Variants in ENPP3 observed in about 807,000 individuals in gnomAD.
ENPP3 encodes the protein ectonucleotide pyrophosphatase/phosphodiesterase family member 3.
Under a neutral mutation model 117.8 loss-of-function variants are expected in ENPP3, and 104 were observed. The ratio of observed to expected loss-of-function variants is 0.88; its 90% CI spans 0.75 to 1.04. ENPP3 has a LOEUF of 1.04. ENPP3 is among the 50% of genes least tolerant of loss of function. ENPP3 has a pLI of 0.00. For synonymous variants in ENPP3, 380 were observed against 349.9 expected (o/e 1.09, Z -0.96); for missense variants, 1,026 against 1,051.9 (o/e 0.98, Z 0.34).
chr6:131,639,616 T>G (rs1042140444), intron 1 of ENPP3, among the ~76,000 whole-genome samples: 1 of 152,148 alleles, frequency 6.6e-6, no homozygotes. Context: ...TTTACTAAAG[T>G]TTCACTTAAA....
intron 24 of ENPP3, among the ~76,000 whole-genome samples, chr6:131,745,266 T>A (rs1302696696): frequency 7.4e-6 from 1 of 135,470 alleles, no homozygotes; most frequent in African/African-American, 2.5e-5. Context: ...CATGGCGCAT[T>A]TTTTTTTTTT....
At chr6:131,740,131 C>A in intron 23 of ENPP3, 93 bp from the exon 24 acceptor site, 1 of 864,806 alleles carries the variant, frequency 1.2e-6, no homozygotes, top group Non-Finnish European at 1.6e-6. Flanking sequence ...TATTATTTTA[C>A]ATGTATATGA....
intron 6 of ENPP3, among the ~76,000 whole-genome samples, chr6:131,670,782 G>C (rs1349764549): frequency 4.6e-5 from 7 of 152,128 alleles, no homozygotes; most frequent in African/African-American, 1.4e-4. Flanking sequence ...GTGAGCCTCT[G>C]GGCCTAGTCT....
intron 24 of ENPP3, among the ~76,000 whole-genome samples, chr6:131,744,978 A>G (rs550501963): frequency 1.3e-4 from 20 of 152,316 alleles, no homozygotes; most frequent in Admixed American, 1.3e-3. Context: ...CAGGTTAAAT[A>G]GCTGAAGTAT....
At chr6:131,678,361 T>G (rs1778917462) in intron 11 of ENPP3, among the ~76,000 whole-genome samples, 1 of 152,244 alleles carries the variant, frequency 6.6e-6, no homozygotes, top group African/African-American at 2.4e-5. Flanking sequence ...TTCCTTATAA[T>G]TGGATTTAAC....
intron 9 of ENPP3, among the ~76,000 whole-genome samples, chr6:131,676,323 A>G (rs1204596159): frequency 6.7e-6 from 1 of 148,920 alleles, no homozygotes; most frequent in Non-Finnish European, 1.5e-5. Flanking sequence ...TATTAGGTCT[A>G]TTGTTTGGTA....
intron 15 of ENPP3, among the ~76,000 whole-genome samples, chr6:131,716,247 A>G (rs1326574421): frequency 2.0e-5 from 3 of 152,222 alleles, no homozygotes; most frequent in Non-Finnish European, 4.4e-5. Context: ...GCCAGCTATC[A>G]TTGTTCCATA....
At chr6:131,678,582 G>A (rs1427396971) in intron 11 of ENPP3, among the ~76,000 whole-genome samples, 9 of 152,236 alleles carry the variant, frequency 5.9e-5, no homozygotes, top group African/African-American at 1.9e-4. Flanking sequence ...GTGGAAAGAT[G>A]CAAAGGCTGC....
chr6:131,684,403 G>A (rs1779103623), intron 12 of ENPP3, among the ~76,000 whole-genome samples: 1 of 152,158 alleles, frequency 6.6e-6, no homozygotes, highest in African/African-American at 2.4e-5. Context: ...ATGCAAGCCA[G>A]GCACCATGGC....
chr6:131,723,043 T>C (rs529743218), intron 18 of ENPP3, among the ~76,000 whole-genome samples: 1 of 152,288 alleles, frequency 6.6e-6, no homozygotes, highest in South Asian at 2.1e-4. Flanking sequence ...AGCCTACTTG[T>C]GAGAATCAGA....
rs1491374737 is a variant in ENPP3 at position 131,679,011 on chromosome 6, TTC to T, written c.1011+1072_1011+1073del. 2.0e-4 allele frequency among the ~76,000 whole-genome samples: 18 copies of T among 90,048 alleles called. 1 individual carries two copies. The highest frequency in any genetic ancestry group is 8.2e-4 in the African/African-American group (17 of 20,638). 59.1% of individuals were successfully genotyped at this position (90,048 alleles called of 152,430 possible). ...CTTCCTTCCTTCCTTGCTTCCTTCC[TTC>T]CTTCCTTCCTTCCTTCTTTCTTTCT... On this transcript the variant is annotated intron_variant, in intron 11 of 24. Coordinates refer to ENST00000357639, the MANE Select transcript of ENPP3 (RefSeq NM_005021.5).
intron 11 of ENPP3, 23 bp downstream of exon 11, chr6:131,677,963 GA>G (rs374148120): frequency 0.035 from 37,797 of 1,076,654 alleles, 26 homozygotes; most frequent in South Asian, 0.065. Flanking sequence ...TTTCTTAAAA[GA>G]AAAAAAAAAA....
intron 7 of ENPP3, among the ~76,000 whole-genome samples, chr6:131,672,573 A>G (rs1234559912): frequency 6.6e-6 from 1 of 152,004 alleles, no homozygotes; most frequent in East Asian, 1.9e-4. Context: ...CTAACTCTCT[A>G]TTTTTCCTAG....
At chr6:131,710,085 C>T (rs753264311) in intron 15 of ENPP3, 88 of 1,613,632 alleles carry the variant, frequency 5.5e-5, no homozygotes, top group East Asian at 4.5e-4. Context: ...AAGCTCCTTT[C>T]GGAGGATCAT....
chr6:131,650,500 G>C (rs986380180), intron 3 of ENPP3, among the ~76,000 whole-genome samples: 1 of 152,128 alleles, frequency 6.6e-6, no homozygotes, highest in African/African-American at 2.4e-5. Flanking sequence ...TGGGATTATA[G>C]GCATGAACCA....
intron 21 of ENPP3, among the ~76,000 whole-genome samples, chr6:131,735,358 C>G (rs1209648454): frequency 6.6e-6 from 1 of 152,056 alleles, no homozygotes; most frequent in Non-Finnish European, 1.5e-5. Context: ...GTAGAAGAGG[C>G]TTTTTGTGGA....
At position 131,720,387 on chromosome 6, in the gene ENPP3, T is replaced by C. The variant is rs533295155; in HGVS notation, c.1567+8T>C. 1.4e-6 allele frequency: 2 copies of C among 1,420,008 alleles called. No homozygotes were observed. The highest frequency in any genetic ancestry group is 2.5e-5 in the South Asian group (2 of 78,804). The allele number at this position is 1,420,008 out of a possible 1,614,324, so 88.0% of individuals were successfully genotyped here. On this transcript the variant is annotated splice_region_variant and intron_variant, in intron 17 of 24. Coordinates refer to ENST00000357639, the MANE Select transcript of ENPP3 (RefSeq NM_005021.5). ...TCTATAACCTAATGTGTGGTAAGTA[T>C]ATTTAAATAAGTTCGCCAACAAAAT...
chr6:131,747,067 TC>T lies in ENPP3; in HGVS notation c.*115del. 1.9e-6 allele frequency: 1 copy of T among 536,266 alleles called. No individual in the cohort carries two copies. The highest frequency in any genetic ancestry group is 3.1e-6 in the Non-Finnish European group (1 of 320,260). 33.2% of individuals were successfully genotyped at this position (536,266 alleles called of 1,614,324 possible). A position where few individuals can be genotyped will look rare whatever the true frequency, so the allele number is the denominator to read the frequency against. ...ATAAAGTTTTCTATTTTTCCTTAAG[TC>T]CCCTAAAAGCCATAATTTTTATTAT... On this transcript the variant is annotated 3_prime_UTR_variant, in exon 25 of 25. Transcript: ENST00000357639.
chr6:131,721,627 A>G (rs1780035105), intron 17 of ENPP3, among the ~76,000 whole-genome samples: 1 of 152,092 alleles, frequency 6.6e-6, no homozygotes, highest in Non-Finnish European at 1.5e-5. Flanking sequence ...ATTTTCATAG[A>G]AAAAAATGAA....
Sources: gnomAD v4.1 joint callset for allele counts (sites outside exome capture counted in the v4.1 genomes callset) on GRCh38, gnomAD v4.1.1 for gene constraint, MANE v1.5 for transcripts, NCBI Gene and HGNC (gene_info 2026-07-23, HGNC 2026-07-21) for gene names.